The following EPS15 variants were observed in gnomAD, a reference collection of about 807,000 sequenced individuals.
EPS15 encodes the protein epidermal growth factor receptor substrate 15.
A neutral mutation model predicts 113.8 loss-of-function variants in EPS15; 72 were observed. The observed-to-expected ratio is 0.63, with a 90% CI of 0.52 to 0.77. The LOEUF is 0.77. EPS15 is among the 30% of genes least tolerant of loss of function. The pLI is 0.00. For synonymous variants in EPS15, 344 were observed against 363.4 expected (o/e 0.95, Z 0.61); for missense variants, 1,048 against 1,045.8 (o/e 1.00, Z -0.03).
At chr1:51,362,045 G>A (rs1000582482) in intron 23 of EPS15, among the ~76,000 whole-genome samples, 1 of 152,072 alleles carries the variant, frequency 6.6e-6, no homozygotes, top group African/African-American at 2.4e-5. Flanking sequence ...TTTCAAACAA[G>A]TTCTCTAAGT....
chr1:51,388,095 A>C (rs930983652), intron 21 of EPS15, among the ~76,000 whole-genome samples: 5 of 152,212 alleles, frequency 3.3e-5, no homozygotes, highest in African/African-American at 1.2e-4. Context: ...GCAAATGTAA[A>C]AGAACAGAAA....
chr1:51,451,939 T>C (rs554554129), intron 8 of EPS15, among the ~76,000 whole-genome samples: 1 of 151,892 alleles, frequency 6.6e-6, no homozygotes, highest in African/African-American at 2.4e-5. Context: ...CCCAGCACAG[T>C]GACGCAATCT....
chr1:51,486,826 T>TGTGA (rs1644132899), intron 1 of EPS15, among the ~76,000 whole-genome samples: 3 of 138,652 alleles, frequency 2.2e-5, no homozygotes, highest in African/African-American at 8.7e-5. Flanking sequence ...GGCTAATTTT[T>TGTGA]GTGTGTGTGT....
At chr1:51,511,616 G>C (rs1644622699) in intron 1 of EPS15, among the ~76,000 whole-genome samples, 2 of 152,188 alleles carry the variant, frequency 1.3e-5, no homozygotes, top group South Asian at 4.1e-4. Context: ...GCTGCAACTG[G>C]TGAAGGTGTT....
At chr1:51,507,657 T>C (rs1644519895) in intron 1 of EPS15, among the ~76,000 whole-genome samples, 1 of 147,446 alleles carries the variant, frequency 6.8e-6, no homozygotes, top group Non-Finnish European at 1.5e-5. Flanking sequence ...GAAGACTCCA[T>C]CTCAGAAAAA....
At chr1:51,483,545 T>TCAC (rs1170087741) in intron 1 of EPS15, among the ~76,000 whole-genome samples, 7 of 151,880 alleles carry the variant, frequency 4.6e-5, no homozygotes, top group Non-Finnish European at 8.8e-5. Context: ...CGGTGGCATG[T>TCAC]GCCTGTAATC....
At chr1:51,469,518 C>T (rs1655092255) in intron 4 of EPS15, among the ~76,000 whole-genome samples, 1 of 152,154 alleles carries the variant, frequency 6.6e-6, no homozygotes. Context: ...GAGTTAGTGT[C>T]ATAGACATGA....
intron 4 of EPS15, among the ~76,000 whole-genome samples, chr1:51,471,148 T>C (rs999791877): frequency 2.6e-5 from 4 of 152,200 alleles, no homozygotes; most frequent in Non-Finnish European, 5.9e-5. Flanking sequence ...TCAATCCTTA[T>C]ACAACTCTGA....
At position 51,467,767 on chromosome 1, in the gene EPS15, G is replaced by T. The variant is rs577172142; in HGVS notation, c.309+706C>A. ...CCTATCATGAACTGCGCATGTGAGG[G>T]ATCTAGGTTGCATGCTACTTATAAG... On this transcript the variant is annotated intron_variant, in intron 5 of 24. Transcript: ENST00000371733. 5.3e-5 allele frequency among the ~76,000 whole-genome samples: 8 copies of T among 152,152 alleles called. No individual in the cohort carries two copies. The East Asian group carries it at 1.5e-3, about 29-fold the overall frequency.
intron 12 of EPS15, among the ~76,000 whole-genome samples, chr1:51,429,182 T>C (rs1376087843): frequency 6.6e-6 from 1 of 152,150 alleles, no homozygotes; most frequent in Non-Finnish European, 1.5e-5. Flanking sequence ...GAGCACAGTT[T>C]TGTATGGGAC....
At chr1:51,360,236 C>T (rs1262670867) in intron 24 of EPS15, among the ~76,000 whole-genome samples, 4 of 151,760 alleles carry the variant, frequency 2.6e-5, no homozygotes, top group Admixed American at 2.0e-4. Context: ...ATCTCAAGGG[C>T]ATAAGGTGAT....
chr1:51,482,767 T>C (rs919107044), intron 1 of EPS15, among the ~76,000 whole-genome samples: 10 of 151,888 alleles, frequency 6.6e-5, no homozygotes, highest in Admixed American at 3.3e-4. Context: ...CACCCGGCCT[T>C]AGGAAGTAAT....
chr1:51,408,124 C>G lies in EPS15; in HGVS notation c.1473+11G>C. On this transcript the variant is annotated intron_variant, in intron 15 of 24. Transcript: ENST00000371733. Reference sequence around the variant, plus strand: ...CCATTTGAATATATTTCTTGCTTTACAAAGACTTACTGAACTAATTTCCTG... The same window carrying G: ...CCATTTGAATATATTTCTTGCTTTAGAAAGACTTACTGAACTAATTTCCTG... The G allele has an allele frequency of 6.2e-7, 1 of 1,611,988 alleles. No individual in the cohort carries two copies. The highest frequency in any genetic ancestry group is 8.5e-7 in the Non-Finnish European group (1 of 1,178,020).
chr1:51,418,599 A>G (rs1214619195), intron 13 of EPS15, among the ~76,000 whole-genome samples: 1 of 152,174 alleles, frequency 6.6e-6, no homozygotes, highest in Non-Finnish European at 1.5e-5. Context: ...CAAATTGAAG[A>G]GTCCTATGTC....
chr1:51,450,703 C>A (rs1041012399), intron 8 of EPS15, among the ~76,000 whole-genome samples: 4 of 151,752 alleles, frequency 2.6e-5, no homozygotes, highest in Non-Finnish European at 5.9e-5. Context: ...GTTTCCCCTT[C>A]GGCTCTGCAA....
At chr1:51,447,449 TTTA>T (rs1653156107) in intron 9 of EPS15, among the ~76,000 whole-genome samples, 1 of 152,216 alleles carries the variant, frequency 6.6e-6, no homozygotes, top group African/African-American at 2.4e-5. Flanking sequence ...ATTCTCAATC[TTTA>T]TTTTTTATAG....
At chr1:51,494,667 G>A (rs527609065) in intron 1 of EPS15, among the ~76,000 whole-genome samples, 39 of 152,316 alleles carry the variant, frequency 2.6e-4, no homozygotes, top group African/African-American at 9.4e-4. Context: ...TCACAATCTG[G>A]AAGCCAGAAG....
chr1:51,446,878 CA>C, intron 10 of EPS15, 81 bp downstream of exon 10: 1 of 1,213,206 alleles, frequency 8.2e-7, no homozygotes, highest in African/African-American at 1.5e-5. Context: ...GTCCTATTTA[CA>C]AATGACTAAA....
Position 51,409,595 on chromosome 1 carries a change from T to G in EPS15, c.1215A>C (p.Lys405Asn), listed in dbSNP as rs765028884. Reference protein sequence around the residue: ...QELLDELDEQKAQLEEQLKEV... With the variant: ...QELLDELDEQNAQLEEQLKEV... ...CCTTGAGTTGCTCCTCCAGCTGGGC[T>G]TTCTGCTCATCCAGTTCATCAAGGA... The change falls in exon 14 of 25, where the codon AAA (lysine) becomes AAC (asparagine). Residue 405 changes from lysine (K) to asparagine (N), a missense_variant. Lys to Asn is a moderately conservative substitution (Grantham distance 94). Transcript: ENST00000371733. 2 of 1,614,084 alleles carry G rather than the reference T, an allele frequency of 1.2e-6. No individual in the cohort carries two copies. The highest frequency in any genetic ancestry group is 1.7e-6 in the Non-Finnish European group (2 of 1,179,980).
Sources: gnomAD v4.1 joint callset for allele counts (sites outside exome capture counted in the v4.1 genomes callset) on GRCh38, gnomAD v4.1.1 for gene constraint, MANE v1.5 for transcripts, NCBI Gene and HGNC (gene_info 2026-07-23, HGNC 2026-07-21) for gene names.